The following DCHS1 variants were observed in gnomAD, a reference collection of about 807,000 sequenced individuals.
The protein encoded by DCHS1 is dachsous cadherin-related 1.
Under a neutral mutation model 213.9 loss-of-function variants are expected in DCHS1, and 78 were observed. The observed-to-expected ratio is 0.36, with a 90% CI of 0.30 to 0.44. DCHS1 has a LOEUF of 0.44. Ranked by LOEUF, DCHS1 falls within the 20% of genes least tolerant of loss-of-function variation. DCHS1 has a pLI of 1.00. For synonymous variants in DCHS1, 1,828 were observed against 1,873.7 expected (o/e 0.98, Z 0.63); for missense variants, 3,946 against 4,395.9 (o/e 0.90, Z 2.89).
rs1410626457 is a variant in DCHS1, at chr11:6,641,541, A to AG, written c.72_73insC (p.Leu26AlafsTer27). On this transcript the variant is annotated frameshift_variant, in exon 2 of 21. Coordinates refer to ENST00000299441, the MANE Select transcript of DCHS1 (RefSeq NM_003737.4). LOFTEE classifies it high-confidence loss of function. The surrounding 1 kb of genome is among the most constrained non-coding windows in gnomAD (Gnocchi z 7.1). ...AGCAGCAGCAGCAGCAGCAGCAGCAATGGTAGCAGGAGGTGGGGCCTGGGG... is the reference window on the plus strand; with the variant it reads ...AGCAGCAGCAGCAGCAGCAGCAGCAAGTGGTAGCAGGAGGTGGGGCCTGGGG... 6.5e-7 allele frequency: 1 copy of AG among 1,543,704 alleles called. No individual in the cohort carries two copies. Among genetic ancestry groups the AG allele is most frequent in the East Asian group, 2.5e-5 (1 of 40,566 alleles).
rs1475445071 is a variant in DCHS1 at position 6,633,051 on chromosome 11, A to G, written c.2461T>C (p.Leu821=). The change falls in exon 6 of 21, where the codon TTG becomes CTG. Residue 821 remains leucine (L), a synonymous_variant. Coordinates refer to ENST00000299441, the MANE Select transcript of DCHS1 (RefSeq NM_003737.4). Reference sequence around the variant, plus strand: ...GATAGGGAAAGGGTCACAGGTGCCAAGCGACCTAGGGAGGATGAAAAAGGG... The same window carrying G: ...GATAGGGAAAGGGTCACAGGTGCCAGGCGACCTAGGGAGGATGAAAAAGGG... ...IVQAHNPPGR[L]APVTLSLSGG... The G allele has an allele frequency of 6.2e-7, 1 of 1,602,938 alleles. No individual in the cohort carries two copies. The highest frequency in any genetic ancestry group is 8.5e-7 in the Non-Finnish European group (1 of 1,172,318).
Position 6,627,068 on chromosome 11 carries a change from G to T in DCHS1, c.5971C>A (p.Arg1991Ser), listed in dbSNP as rs148935165. ...LALATLRAEDRDAGANASILY... is the reference protein window; with the variant it reads ...LALATLRAEDSDAGANASILY... ...ATGGAAGCATTGGCACCAGCATCAC[G>T]ATCTTCAGCTCTCAGTGTGGCCAGA... The change falls in exon 14 of 21, where the codon CGT (arginine) becomes AGT (serine). Residue 1991 changes from arginine (R) to serine (S), a missense_variant. Transcript: ENST00000299441. The surrounding 1 kb of genome is among the most constrained non-coding windows in gnomAD (Gnocchi z 5.4). 5.7e-4 allele frequency: 925 copies of T among 1,613,432 alleles called. No homozygotes were observed. The highest frequency in any genetic ancestry group is 7.5e-4 in the Non-Finnish European group (883 of 1,179,798).
chr11:6,642,074 C>T (rs1183747973), intron 1 of DCHS1, among the ~76,000 whole-genome samples: 1 of 152,206 alleles, frequency 6.6e-6, no homozygotes, highest in African/African-American at 2.4e-5. Flanking sequence ...ATACTCGCTT[C>T]TTCCAGCCTC....
intron 1 of DCHS1, among the ~76,000 whole-genome samples, chr11:6,645,484 T>C (rs569972396): frequency 6.6e-6 from 1 of 152,342 alleles, no homozygotes; most frequent in African/African-American, 2.4e-5. Context: ...TGTATTATAG[T>C]TACCTGTCTT....
intron 2 of DCHS1, among the ~76,000 whole-genome samples, chr11:6,637,088 T>C (rs1855996510): frequency 6.6e-6 from 1 of 152,220 alleles, no homozygotes; most frequent in Admixed American, 6.5e-5. Context: ...TATTTGTCTG[T>C]TCCTTTCCAT....
chr11:6,637,422 G>C (rs1856001070), intron 2 of DCHS1, among the ~76,000 whole-genome samples: 1 of 152,146 alleles, frequency 6.6e-6, no homozygotes, highest in Non-Finnish European at 1.5e-5. Context: ...ATGAACCACT[G>C]CTCTACATTG....
intron 2 of DCHS1, among the ~76,000 whole-genome samples, chr11:6,639,252 C>T (rs1439680111): frequency 1.3e-5 from 2 of 152,190 alleles, no homozygotes; most frequent in Non-Finnish European, 2.9e-5. Context: ...GACTGACTTG[C>T]AGCCAGTATG....
At position 6,626,843 on chromosome 11, in the gene DCHS1, G is replaced by A; in HGVS notation, c.6196C>T (p.Pro2066Ser). The change falls in exon 14 of 21, where the codon CCC becomes TCC. Residue 2066 changes from proline (P) to serine (S), a missense_variant. Around this residue, in one of 3 missense-constraint regions of DCHS1, gnomAD observed 3,384 missense variants for 3,780.1 expected, o/e 0.90. Transcript: ENST00000299441. This position sits in a 1 kb window ranked among gnomAD's most constrained non-coding sequence, Gnocchi z 5.2. ...VGLQGEAERG[P>S]RFPRASSEAT... is the part of the protein sequence containing the mutation. ...TCACTGCTAGCCCGGGGAAAGCGGG[G>A]TCCACGCTCAGCTTCCCCCTGCAGT... The A allele has an allele frequency of 6.2e-7, 1 of 1,613,290 alleles. No homozygotes were observed. Among genetic ancestry groups the A allele is most frequent in the Non-Finnish European group, 8.5e-7 (1 of 1,179,870 alleles).
At chr11:6,637,078 T>C (rs1307737150) in intron 2 of DCHS1, among the ~76,000 whole-genome samples, 1 of 152,250 alleles carries the variant, frequency 6.6e-6, no homozygotes, top group Non-Finnish European at 1.5e-5. Flanking sequence ...TCATTAACTC[T>C]ATTTGTCTGT....
rs1282289469 is a variant in DCHS1 at position 6,626,741 on chromosome 11, CCA to C, written c.6250+46_6250+47del. The stretch of plus-strand genomic sequence containing the variant: ...TGGGGGACATTTTCAAAGCACAACC[CCA>C]GCCCATTTGGGAGTCTGAATCTGGA... On this transcript the variant is annotated intron_variant, in intron 14 of 20. Transcript: ENST00000299441. This position sits in a 1 kb window ranked among gnomAD's most constrained non-coding sequence, Gnocchi z 5.2. 6.2e-7 allele frequency: 1 copy of C among 1,609,898 alleles called. No individual in the cohort carries two copies. The highest frequency in any genetic ancestry group is 8.5e-7 in the Non-Finnish European group (1 of 1,178,214).
In DCHS1 at chr11:6,632,959, A is replaced by G; in HGVS notation, c.2553T>C (p.Pro851=). ...AVSGLLQTLR[P]LDRELLGPVL... ...CTGGTCCCAGTAGCTCCCGGTCCAG[A>G]GGGCGAAGTGTTTGCAACAGTCCTG... The change falls in exon 6 of 21, where the codon CCT becomes CCC. Residue 851 remains proline (P), a synonymous_variant. Transcript: ENST00000299441. This position sits in a 1 kb window ranked among gnomAD's most constrained non-coding sequence, Gnocchi z 5.9. The G allele has an allele frequency of 6.2e-7, 1 of 1,614,012 alleles. No individual in the cohort carries two copies.
rs1249455015 is a variant in DCHS1, at chr11:6,626,554, G to A, written c.6362C>T (p.Thr2121Ile). 3 of 1,613,872 alleles carry A rather than the reference G, an allele frequency of 1.9e-6. No individual in the cohort carries two copies. Among genetic ancestry groups the A allele is most frequent in the Non-Finnish European group, 1.7e-6 (2 of 1,179,784 alleles). ...EKGTFSIQPS[T>I]GAITVRSAEG... ...GAGCCCCTGCTCCTATTTCTTACCT[G>A]TACTAGGCTGGATGGAGAATGTCCC... Residue 2121 changes from threonine to isoleucine, a missense_variant and splice_region_variant, in exon 15 of 21, where the codon ACA (threonine) becomes ATA (isoleucine). Around this residue, in one of 3 missense-constraint regions of DCHS1, gnomAD observed 3,384 missense variants for 3,780.1 expected, o/e 0.90. Coordinates refer to ENST00000299441, the MANE Select transcript of DCHS1 (RefSeq NM_003737.4). The surrounding 1 kb of genome is among the most constrained non-coding windows in gnomAD (Gnocchi z 5.2).
intron 1 of DCHS1, among the ~76,000 whole-genome samples, chr11:6,654,979 C>A (rs1856293373): frequency 7.5e-6 from 1 of 133,766 alleles, no homozygotes; most frequent in African/African-American, 3.2e-5. Context: ...CCACTCAGAA[C>A]ACGTCTGGGT....
intron 1 of DCHS1, among the ~76,000 whole-genome samples, chr11:6,648,196 G>A (rs555844083): frequency 1.1e-4 from 17 of 152,276 alleles, no homozygotes; most frequent in Non-Finnish European, 2.4e-4. Flanking sequence ...CAAATCATGG[G>A]GTAACTGAAA....
chr11:6,640,434 CT>C lies in DCHS1; in HGVS notation c.1179del (p.Asp394MetfsTer21). ...TTGACATGGGCAAAGTCACCATCAT[CT>C]GGGTCTGACACAGAGATGCGAGCAA... ...QLVARISVSD[P>X]DDGDFAHVNV... On this transcript the variant is annotated frameshift_variant, in exon 2 of 21. Coordinates refer to ENST00000299441, the MANE Select transcript of DCHS1 (RefSeq NM_003737.4). LOFTEE classifies it high-confidence loss of function. The surrounding 1 kb of genome is among the most constrained non-coding windows in gnomAD (Gnocchi z 6.5). 1 of 1,613,962 alleles carries C rather than the reference CT, an allele frequency of 6.2e-7. No homozygotes were observed. The highest frequency in any genetic ancestry group is 1.3e-5 in the African/African-American group (1 of 75,070).
At chr11:6,648,887 C>T (rs1177291350) in intron 1 of DCHS1, among the ~76,000 whole-genome samples, 3 of 152,166 alleles carry the variant, frequency 2.0e-5, no homozygotes, top group Non-Finnish European at 4.4e-5. Flanking sequence ...AGAAGGCAGG[C>T]TCGACTGTCA....
intron 1 of DCHS1, among the ~76,000 whole-genome samples, chr11:6,652,526 G>A (rs1856258466): frequency 6.6e-6 from 1 of 152,198 alleles, no homozygotes; most frequent in Non-Finnish European, 1.5e-5. Context: ...CTCCCAGGAG[G>A]AATGGGAGAA....
chr11:6,630,050 A>T lies in DCHS1; in HGVS notation c.4744T>A (p.Tyr1582Asn). ...PDLGEAARVS[Y>N]RLASGGDGHF... ...CCGTCCCCGCCAGATGCCAGCCGAT[A>T]GGACACGCGTGCAGCCTCGCCCAGA... The change falls in exon 10 of 21, where the codon TAT becomes AAT. Residue 1582 changes from tyrosine to asparagine, a missense_variant. Physicochemically the swap from Tyr to Asn is moderately radical, Grantham distance 143. Coordinates refer to ENST00000299441, the MANE Select transcript of DCHS1 (RefSeq NM_003737.4). The T allele has an allele frequency of 6.4e-7, 1 of 1,560,096 alleles. No homozygotes were observed. The highest frequency in any genetic ancestry group is 8.7e-7 in the Non-Finnish European group (1 of 1,149,874).
rs773236358 is a variant in DCHS1, at chr11:6,624,812, A to T, written c.7203T>A (p.Thr2401=). Residue 2401 remains threonine (T), a synonymous_variant, in exon 20 of 21, where the codon ACT becomes ACA. Coordinates refer to ENST00000299441, the MANE Select transcript of DCHS1 (RefSeq NM_003737.4). ...GACCGTTGGCACCTGAGTCCCGATC[A>T]GTGGCAGAGACGGAGAGAATGGCAC... is the stretch of plus-strand genomic sequence containing the variant. ...PGSAILSVSA[T]DRDSGANGHI... The T allele has an allele frequency of 1.2e-5, 19 of 1,613,852 alleles. No homozygotes were observed. Among genetic ancestry groups the T allele is most frequent in the Non-Finnish European group, 1.6e-5 (19 of 1,179,874 alleles).
Sources: gnomAD v4.1 joint callset for allele counts (sites outside exome capture counted in the v4.1 genomes callset) on GRCh38, gnomAD v4.1.1 for gene constraint, gnomAD v4.1.1 regional missense constraint, Gnocchi (gnomAD v3.1) non-coding constraint, MANE v1.5 for transcripts, NCBI Gene and HGNC (gene_info 2026-07-23, HGNC 2026-07-21) for gene names.